The following SQSTM1 variants were observed in gnomAD, a reference collection of about 807,000 sequenced individuals.
SQSTM1 encodes sequestosome-1.
Under a neutral mutation model 45.1 loss-of-function variants are expected in SQSTM1, and 36 were observed. That is an observed-to-expected ratio of 0.80 (90% CI 0.61 to 1.05). SQSTM1 has a LOEUF of 1.05. SQSTM1 is among the 50% of genes least tolerant of loss of function. The probability of loss-of-function intolerance (pLI) is 0.00; values close to 1 mark genes in which losing one functional copy is unlikely to be tolerated. For synonymous variants in SQSTM1, 290 were observed against 244.3 expected, an observed-to-expected ratio of 1.19 and a Z score of -1.74; for missense variants, 617 against 607.1, an observed-to-expected ratio of 1.02 and a Z score of -0.17.
At position 179,836,554 on chromosome 5, in the gene SQSTM1, G is replaced by A; in HGVS notation, c.1284G>A (p.Leu428=). ...QTKNYDIGAA[L]DTIQYSKHPP... Reference sequence around the variant, plus strand: ...AGAACTATGACATCGGAGCGGCTCTGGACACCATCCAGTATTCAAAGCATC... The same window carrying A: ...AGAACTATGACATCGGAGCGGCTCTAGACACCATCCAGTATTCAAAGCATC... The change falls in exon 8 of 8, where the codon CTG becomes CTA. Residue 428 remains leucine, a synonymous_variant. Transcript: ENST00000389805. The A allele has an allele frequency of 6.2e-7, 1 of 1,614,130 alleles. No homozygotes were observed. The highest frequency in any genetic ancestry group is 8.5e-7 in the Non-Finnish European group (1 of 1,180,012).
At chr5:179,811,024 C>T (rs535488028) in intron 1 of SQSTM1, among the ~76,000 whole-genome samples, 1 of 152,200 alleles carries the variant, frequency 6.6e-6, no homozygotes, top group Non-Finnish European at 1.5e-5. Context: ...GGGCGGATCA[C>T]GAGGTCAGGA....
Position 179,837,392 on chromosome 5 carries a change from C to G in SQSTM1, c.*799C>G. ...GATTAATAACCTGCCAGTCCCAGATCACACATCATCATCGAAGTCTTCCCC... is the reference window on the plus strand; with the variant it reads ...GATTAATAACCTGCCAGTCCCAGATGACACATCATCATCGAAGTCTTCCCC... On this transcript the variant is annotated 3_prime_UTR_variant, in exon 8 of 8. Coordinates refer to ENST00000389805, the MANE Select transcript of SQSTM1 (RefSeq NM_003900.5). The G allele has an allele frequency of 6.3e-7, 1 of 1,588,206 alleles. No individual in the cohort carries two copies. The highest frequency in any genetic ancestry group is 8.6e-7 in the Non-Finnish European group (1 of 1,165,466).
chr5:179,831,242 G>C (rs1408674310), intron 5 of SQSTM1, among the ~76,000 whole-genome samples: 7 of 152,220 alleles, frequency 4.6e-5, no homozygotes, highest in African/African-American at 1.7e-4. Flanking sequence ...GGCTGGAACA[G>C]GAGGCTGCAC....
upstream of SQSTM1, among the ~76,000 whole-genome samples, chr5:179,819,628 C>G (rs1757697156): frequency 6.6e-6 from 1 of 152,248 alleles, no homozygotes; most frequent in African/African-American, 2.4e-5. Flanking sequence ...GCCACAGCCT[C>G]TGCCAGCACG....
chr5:179,822,646 G>A (rs1397211955), intron 1 of SQSTM1: 2 of 394,266 alleles, frequency 5.1e-6, no homozygotes, highest in Non-Finnish European at 9.7e-6. Context: ...GGAATGAGGT[G>A]GCACGTTTCT....
chr5:179,831,760 A>G (rs972108052), intron 5 of SQSTM1, among the ~76,000 whole-genome samples: 2 of 151,720 alleles, frequency 1.3e-5, no homozygotes, highest in Admixed American at 1.3e-4. Context: ...GAACATTTAG[A>G]TAGAGGTCCT....
chr5:179,833,189 G>A lies in SQSTM1; in HGVS notation c.912G>A (p.Thr304=), dbSNP rs370970067. 5.3e-5 allele frequency: 86 copies of A among 1,613,072 alleles called. No homozygotes were observed. The highest frequency in any genetic ancestry group is 2.7e-4 in the Admixed American group (16 of 59,890). ...CGGGTGGGAATGTTGAGGGCGCCACGCAGTCTCTGGCGGAGCAGATGAGGA... is the reference window on the plus strand; with the variant it reads ...CGGGTGGGAATGTTGAGGGCGCCACACAGTCTCTGGCGGAGCAGATGAGGA... ...SKPGGNVEGA[T]QSLAEQMRKI... Residue 304 remains threonine (T), a synonymous_variant, in exon 6 of 8, where the codon ACG becomes ACA. Transcript: ENST00000389805.
At chr5:179,810,018 A>C (rs544370964) in intron 1 of SQSTM1, among the ~76,000 whole-genome samples, 9 of 152,162 alleles carry the variant, frequency 5.9e-5, no homozygotes, top group South Asian at 2.1e-4. Flanking sequence ...TCCTGACCTC[A>C]GGTGATCTGC....
At chr5:179,823,596 G>C in intron 2 of SQSTM1, 1 of 559,938 alleles carries the variant, frequency 1.8e-6, no homozygotes, top group Middle Eastern at 4.8e-4. Context: ...TGGCGCTTGG[G>C]TGAAGGGCAA....
rs908745540 is a variant in SQSTM1, at chr5:179,833,368, G to C, written c.969+122G>C. The C allele has an allele frequency of 1.3e-5, 14 of 1,079,968 alleles. No individual in the cohort carries two copies. In the African/African-American group the frequency reaches 2.0e-4, roughly 16 times the overall value. The allele number at this position is 1,079,968 out of a possible 1,614,324, so 66.9% of individuals were successfully genotyped here. ...TTACAAACCCGAGGGAGCTGCTGCT[G>C]CTGCAGTGATGTCTGTGCCATTAAA... On this transcript the variant is annotated intron_variant, in intron 6 of 7. Transcript: ENST00000389805.
upstream of SQSTM1, among the ~76,000 whole-genome samples, chr5:179,817,010 C>T (rs1757600100): frequency 6.6e-6 from 1 of 152,130 alleles, no homozygotes; most frequent in Admixed American, 6.5e-5. Flanking sequence ...CGGGGACTTG[C>T]GGGCCGGTGG....
chr5:179,826,367 A>G (rs1224529366), intron 5 of SQSTM1, among the ~76,000 whole-genome samples: 2 of 151,664 alleles, frequency 1.3e-5, no homozygotes, highest in African/African-American at 4.8e-5. Context: ...GGGTTTCGCC[A>G]CGTTGGCCAG....
At chr5:179,818,504 G>T (rs924516273), upstream of SQSTM1, among the ~76,000 whole-genome samples, 1 of 152,190 alleles carries the variant, frequency 6.6e-6, no homozygotes, top group Non-Finnish European at 1.5e-5. Context: ...TGGGAGGGGG[G>T]AAGGGGGAAC....
At chr5:179,815,744 G>T (rs11748203), upstream of SQSTM1, among the ~76,000 whole-genome samples, 1 of 152,118 alleles carries the variant, frequency 6.6e-6, no homozygotes, top group South Asian at 2.1e-4. Flanking sequence ...CTACTTTTAC[G>T]CAAGAGTATG....
At position 179,824,106 on chromosome 5, in the gene SQSTM1, C is replaced by T; in HGVS notation, c.531+19C>T. ...GTCTGAGGTGAGCAGGCCCTCTGTG[C>T]AGGCCTGGGGTGGGCTCAGGGTGGC... On this transcript the variant is annotated intron_variant, in intron 3 of 7. Coordinates refer to ENST00000389805, the MANE Select transcript of SQSTM1 (RefSeq NM_003900.5). 3 of 1,613,698 alleles carry T rather than the reference C, an allele frequency of 1.9e-6. No individual in the cohort carries two copies. Among genetic ancestry groups the T allele is most frequent in the Non-Finnish European group, 2.5e-6 (3 of 1,180,006 alleles).
At position 179,824,192 on chromosome 5, in the gene SQSTM1, A is replaced by G; in HGVS notation, c.542A>G (p.His181Arg). 1 of 1,613,780 alleles carries G rather than the reference A, an allele frequency of 6.2e-7. No individual in the cohort carries two copies. Among genetic ancestry groups the G allele is most frequent in the Non-Finnish European group, 8.5e-7 (1 of 1,180,048 alleles). The change falls in exon 4 of 8, where the codon CAC (histidine) becomes CGC (arginine). Residue 181 changes from histidine to arginine, a missense_variant. Transcript: ENST00000389805. ...PFGHLSEGFS[H>R]SRWLRKVKHG... ...TAATTCCTCCCCCAGGGCTTCTCGC[A>G]CAGCCGCTGGCTCCGGAAGGTGAAA...
intron 7 of SQSTM1, among the ~76,000 whole-genome samples, chr5:179,834,554 C>G (rs1344018328): frequency 6.6e-6 from 1 of 150,918 alleles, no homozygotes; most frequent in Non-Finnish European, 1.5e-5. Flanking sequence ...GGCAGAGGAC[C>G]CTGCGGCCTT....
At chr5:179,812,088 G>A (rs1169124944) in intron 2 of SQSTM1, 1 of 152,288 alleles carries the variant, frequency 6.6e-6, no homozygotes, top group Non-Finnish European at 1.5e-5. Context: ...ACAGGCGTGA[G>A]CCACCGCGCC....
At chr5:179,835,195 T>C in intron 7 of SQSTM1, 1 of 193,784 alleles carries the variant, frequency 5.2e-6, no homozygotes, top group South Asian at 6.0e-5. Flanking sequence ...GCTCCTCACT[T>C]TCCAGACTGG....
Sources: allele counts gnomAD v4.1 joint callset (sites outside exome capture counted in the v4.1 genomes callset), GRCh38; gene constraint gnomAD v4.1.1; transcripts MANE v1.5; gene names NCBI Gene and HGNC (gene_info 2026-07-23, HGNC 2026-07-21).